Variants in GRID2 observed in about 807,000 individuals in gnomAD.
GRID2 encodes the protein glutamate ionotropic receptor delta type subunit 2, also known as glutamate receptor ionotropic, delta-2.
Under a neutral mutation model 114.8 loss-of-function variants are expected in GRID2, and 33 were observed. That is an observed-to-expected ratio of 0.29 (90% CI 0.22 to 0.38). The LOEUF is 0.38. Ranked by LOEUF, GRID2 falls within the 10% of genes least tolerant of loss-of-function variation. The pLI is 1.00. For synonymous variants in GRID2, 505 were observed against 449.9 expected, an observed-to-expected ratio of 1.12 and a Z score of -1.55; for missense variants, 1,184 against 1,257.7, an observed-to-expected ratio of 0.94 and a Z score of 0.89.
At chr4:92,637,155 C>A (rs1731104461) in intron 2 of GRID2, among the ~76,000 whole-genome samples, 1 of 151,282 alleles carries the variant, frequency 6.6e-6, no homozygotes, top group African/African-American at 2.4e-5. Context: ...GAATAATTGC[C>A]TTTCAAAATG....
chr4:92,607,902 A>G (rs1307077653), intron 2 of GRID2, among the ~76,000 whole-genome samples: 4 of 151,892 alleles, frequency 2.6e-5, no homozygotes, highest in Admixed American at 2.0e-4. Flanking sequence ...TAACAAGGCA[A>G]TATGTGTAAG....
intron 14 of GRID2, among the ~76,000 whole-genome samples, chr4:93,730,614 A>G (rs551208162): frequency 2.0e-5 from 3 of 152,364 alleles, no homozygotes; most frequent in Admixed American, 6.5e-5. Flanking sequence ...AAGATGAGGT[A>G]GATCAGCACA....
Position 93,058,157 on chromosome 4 carries a change from A to G in GRID2, c.245-26838A>G, listed in dbSNP as rs566808018. ...CTGTGTGGATTATTAAAATTTAATA[A>G]TATGAATAACTGGAATAATAAACTA... On this transcript the variant is annotated intron_variant, in intron 2 of 15. Coordinates refer to ENST00000282020, the MANE Select transcript of GRID2 (RefSeq NM_001510.4). 7.3e-5 allele frequency among the ~76,000 whole-genome samples: 7 copies of G among 95,884 alleles called. No homozygotes were observed. In the South Asian group the frequency reaches 2.2e-3, roughly 30 times the overall value. 62.9% of individuals were successfully genotyped at this position (95,884 alleles called of 152,430 possible). A position where few individuals can be genotyped will look rare whatever the true frequency, so the allele number is the denominator to read the frequency against.
intron 14 of GRID2, among the ~76,000 whole-genome samples, chr4:93,666,645 C>G (rs913660049): frequency 3.9e-5 from 6 of 152,044 alleles, no homozygotes; most frequent in Non-Finnish European, 7.4e-5. Context: ...TTAAGTGGAT[C>G]ATGGTGTTGA....
intron 2 of GRID2, among the ~76,000 whole-genome samples, chr4:92,613,918 C>T (rs1198446218): frequency 1.3e-5 from 2 of 151,294 alleles, no homozygotes; most frequent in East Asian, 1.9e-4. Flanking sequence ...TTACTTGGCA[C>T]ATGATAATTC....
At chr4:93,525,697 A>T (rs977694685) in intron 13 of GRID2, among the ~76,000 whole-genome samples, 1 of 152,166 alleles carries the variant, frequency 6.6e-6, no homozygotes, top group Non-Finnish European at 1.5e-5. Flanking sequence ...AGCTTATGAG[A>T]GAAAATGCTT....
At chr4:93,356,721 A>C (rs535893290) in intron 8 of GRID2, among the ~76,000 whole-genome samples, 133 of 152,046 alleles carry the variant, frequency 8.7e-4, no homozygotes, top group Non-Finnish European at 1.4e-3. Context: ...AAGTTGTACA[A>C]GAAAGACAGA....
At chr4:92,995,195 C>A (rs975363976) in intron 2 of GRID2, among the ~76,000 whole-genome samples, 3 of 152,110 alleles carry the variant, frequency 2.0e-5, no homozygotes, top group African/African-American at 7.2e-5. Flanking sequence ...TTATGCTTAT[C>A]AGTAGAGGTG....
chr4:93,219,664 T>C (rs900359599), intron 6 of GRID2, among the ~76,000 whole-genome samples: 6 of 152,188 alleles, frequency 3.9e-5, no homozygotes, highest in African/African-American at 1.4e-4. Context: ...AGGATTAGCT[T>C]AAGTTGCAAA....
rs145365464 is a variant in GRID2 at position 93,568,855 on chromosome 4, A to G, written c.2193+53444A>G. Among the ~76,000 whole-genome samples the G allele has an allele frequency of 6.8e-3, 1,035 of 152,208 alleles. 14 individuals carry two copies. The highest frequency in any genetic ancestry group is 0.023 in the African/African-American group (965 of 41,516). Reference sequence around the variant, plus strand: ...ACACTGAGTTGGCATGTTATGTATAATCGTAGGGAACACTGTTGGTATTGT... The same window carrying G: ...ACACTGAGTTGGCATGTTATGTATAGTCGTAGGGAACACTGTTGGTATTGT... On this transcript the variant is annotated intron_variant, in intron 13 of 15. Coordinates refer to ENST00000282020, the MANE Select transcript of GRID2 (RefSeq NM_001510.4).
At chr4:93,797,842 GA>G (rs10536515) in intron 1 of GRID2, among the ~76,000 whole-genome samples, 7,785 of 128,018 alleles carry the variant, frequency 0.061, 441 homozygotes, top group African/African-American at 0.15. Context: ...TCCCCAGGAT[GA>G]AAAAAAAAAA....
intron 1 of GRID2, among the ~76,000 whole-genome samples, chr4:92,368,488 T>C (rs1728975733): frequency 1.3e-5 from 2 of 152,294 alleles, no homozygotes; most frequent in African/African-American, 4.8e-5. Context: ...TTTAAAGTTT[T>C]AATAAATGCA....
rs1283785327 is a variant in GRID2 at position 92,640,832 on chromosome 4, AC to A, written c.244+50547del. Among the ~76,000 whole-genome samples, 2 of 151,918 alleles carry A rather than the reference AC, an allele frequency of 1.3e-5. 1 individual carries two copies. The highest frequency in any genetic ancestry group is 2.9e-5 in the Non-Finnish European group (2 of 67,938). On this transcript the variant is annotated intron_variant, in intron 2 of 15. Transcript: ENST00000282020. ...GTAATTCTCATATAAAATAAAAAAA[AC>A]AAAAAGTATATTCTTCCAATATTTT...
intron 9 of GRID2, among the ~76,000 whole-genome samples, chr4:93,410,247 T>C (rs1766975460): frequency 6.6e-6 from 1 of 152,104 alleles, no homozygotes; most frequent in South Asian, 2.1e-4. Flanking sequence ...AGCCTGAAAA[T>C]ATGTTCAAGG....
chr4:92,567,740 A>G (rs947298453), intron 1 of GRID2, among the ~76,000 whole-genome samples: 1 of 152,062 alleles, frequency 6.6e-6, no homozygotes, highest in Non-Finnish European at 1.5e-5. Flanking sequence ...AAGTCTTACT[A>G]CACTATTAAT....
intron 2 of GRID2, among the ~76,000 whole-genome samples, chr4:92,901,819 C>CTT (rs201152026): frequency 1.2e-3 from 179 of 151,262 alleles, no homozygotes; most frequent in African/African-American, 2.2e-3. Flanking sequence ...TCTATATTAT[C>CTT]TTTTTGTGTG....
intron 1 of GRID2, among the ~76,000 whole-genome samples, chr4:92,382,686 G>T (rs1199183693): frequency 6.6e-6 from 1 of 151,938 alleles, no homozygotes; most frequent in Non-Finnish European, 1.5e-5. Flanking sequence ...AATTTAGAAA[G>T]GGATGACCCT....
intron 2 of GRID2, among the ~76,000 whole-genome samples, chr4:92,675,267 T>C (rs530016461): frequency 6.6e-6 from 1 of 152,336 alleles, no homozygotes; most frequent in East Asian, 1.9e-4. Flanking sequence ...CTCAGCACTT[T>C]GGCTTTTGGA....
At chr4:93,544,341 A>G (rs1342896446) in intron 13 of GRID2, among the ~76,000 whole-genome samples, 2 of 152,326 alleles carry the variant, frequency 1.3e-5, no homozygotes, top group South Asian at 2.1e-4. Context: ...TTCTGTATTT[A>G]TGATATGTCC....
Sources: gnomAD v4.1 joint callset for allele counts (sites outside exome capture counted in the v4.1 genomes callset) on GRCh38, gnomAD v4.1.1 for gene constraint, MANE v1.5 for transcripts, NCBI Gene and HGNC (gene_info 2026-07-23, HGNC 2026-07-21) for gene names.